Variants in ACVR2A observed in about 807,000 individuals in gnomAD.
The protein encoded by ACVR2A is activin A receptor type 2A, also known as activin receptor type-2A.
Under a neutral mutation model 61.4 loss-of-function variants are expected in ACVR2A, and 7 were observed. The ratio of observed to expected loss-of-function variants is 0.11; its 90% CI spans 0.06 to 0.21. The LOEUF is 0.21. Among genes scored for constraint, ACVR2A ranks in the 10% least tolerant of loss-of-function variants. The probability of loss-of-function intolerance (pLI) is 1.00; values close to 1 mark genes in which losing one functional copy is unlikely to be tolerated. For synonymous variants in ACVR2A, 193 were observed against 208.3 expected (o/e 0.93, Z 0.63); for missense variants, 322 against 621.7 (o/e 0.52, Z 5.13).
In ACVR2A at chr2:147,896,486, G is replaced by C; in HGVS notation, c.241G>C (p.Asp81His). The C allele has an allele frequency of 6.2e-7, 1 of 1,613,922 alleles. No homozygotes were observed. The highest frequency in any genetic ancestry group is 8.5e-7 in the Non-Finnish European group (1 of 1,179,928). ...IEIVKQGCWL[D>H]DINCYDRTDC... ...AATAGTGAAACAAGGTTGTTGGCTG[G>C]ATGATATCAACTGCTATGACAGGTA... Residue 81 changes from aspartate (D) to histidine (H), a missense_variant, in exon 2 of 11, where the codon GAT (aspartate) becomes CAT (histidine). This residue lies in a region of ACVR2A where 142 missense variants were observed against 200.3 expected (regional missense o/e 0.71). Coordinates refer to ENST00000241416, the MANE Select transcript of ACVR2A (RefSeq NM_001616.5).
At chr2:147,877,481 C>T (rs1200666753) in intron 1 of ACVR2A, 1 of 151,974 alleles carries the variant, frequency 6.6e-6, no homozygotes, top group Non-Finnish European at 1.5e-5. Context: ...ATTAGCATGG[C>T]CCCTGGTCAA....
intron 1 of ACVR2A, among the ~76,000 whole-genome samples, chr2:147,853,433 A>G (rs1472061356): frequency 1.3e-5 from 2 of 152,032 alleles, no homozygotes; most frequent in Non-Finnish European, 2.9e-5. Flanking sequence ...ATGAGACCCT[A>G]CAGTAAAATA....
chr2:147,884,008 T>A (rs1338647529), intron 1 of ACVR2A, among the ~76,000 whole-genome samples: 1 of 152,190 alleles, frequency 6.6e-6, no homozygotes, highest in Non-Finnish European at 1.5e-5. Context: ...TAGTGTCTTT[T>A]CAGTGTAATT....
intron 1 of ACVR2A, among the ~76,000 whole-genome samples, chr2:147,854,508 A>G (rs754324321): frequency 2.6e-5 from 4 of 152,180 alleles, no homozygotes; most frequent in Non-Finnish European, 5.9e-5. Flanking sequence ...TGAATGTGGT[A>G]TAATATTTTG....
At chr2:147,881,062 C>T (rs1165308979) in intron 1 of ACVR2A, among the ~76,000 whole-genome samples, 1 of 152,102 alleles carries the variant, frequency 6.6e-6, no homozygotes. Flanking sequence ...AAAACCATTT[C>T]CCCTACCCCA....
At chr2:147,926,323 G>T (rs566843337) in intron 10 of ACVR2A, among the ~76,000 whole-genome samples, 162 bp downstream of exon 10, 1 of 152,000 alleles carries the variant, frequency 6.6e-6, no homozygotes, top group Admixed American at 6.6e-5. Flanking sequence ...GGCTATGTCT[G>T]TATACCCCTG....
intron 1 of ACVR2A, among the ~76,000 whole-genome samples, chr2:147,860,304 C>T (rs886189493): frequency 6.6e-6 from 1 of 152,020 alleles, no homozygotes; most frequent in Non-Finnish European, 1.5e-5. Flanking sequence ...ACCCAAGTAG[C>T]AGGGCCACCT....
At chr2:147,856,833 A>G (rs1487168646) in intron 1 of ACVR2A, among the ~76,000 whole-genome samples, 2 of 152,156 alleles carry the variant, frequency 1.3e-5, no homozygotes, top group East Asian at 3.9e-4. Flanking sequence ...TTATATAACA[A>G]ATCTTTCTTG....
At chr2:147,909,391 T>A (rs1023741552) in intron 4 of ACVR2A, among the ~76,000 whole-genome samples, 3 of 152,182 alleles carry the variant, frequency 2.0e-5, no homozygotes, top group Non-Finnish European at 2.9e-5. Flanking sequence ...GATGAATGAA[T>A]GAATGAATGA....
chr2:147,911,935 A>T (rs2105209495), intron 4 of ACVR2A, among the ~76,000 whole-genome samples: 1 of 152,052 alleles, frequency 6.6e-6, no homozygotes, highest in African/African-American at 2.4e-5. Flanking sequence ...ACAGGGGTCG[A>T]TTTTCTAATC....
chr2:147,928,073 T>G lies in ACVR2A; in HGVS notation c.*799T>G, dbSNP rs1687548431. The G allele has an allele frequency of 2.0e-5, 3 of 152,320 alleles. No homozygotes were observed. The highest frequency in any genetic ancestry group is 7.2e-5 in the African/African-American group (3 of 41,394). 9.4% of individuals were successfully genotyped at this position (152,320 alleles called of 1,614,324 possible). Reference sequence around the variant, plus strand: ...TAATGTAGGGAAAAAAAGTGCTGTTTTTTGAAAAGATGGTGTCATTTCCCC... The same window carrying G: ...TAATGTAGGGAAAAAAAGTGCTGTTGTTTGAAAAGATGGTGTCATTTCCCC... On this transcript the variant is annotated 3_prime_UTR_variant, in exon 11 of 11. Transcript: ENST00000241416.
At position 147,930,661 on chromosome 2, in the gene ACVR2A, A is replaced by G. The variant is rs1232241706; in HGVS notation, c.*3387A>G. 1 of 152,350 alleles carries G rather than the reference A, an allele frequency of 6.6e-6. No individual in the cohort carries two copies. The highest frequency in any genetic ancestry group is 1.5e-5 in the Non-Finnish European group (1 of 67,974). The allele number at this position is 152,350 out of a possible 1,614,324, so 9.4% of individuals were successfully genotyped here. A position where few individuals can be genotyped will look rare whatever the true frequency, so the allele number is the denominator to read the frequency against. On this transcript the variant is annotated 3_prime_UTR_variant, in exon 11 of 11. Coordinates refer to ENST00000241416, the MANE Select transcript of ACVR2A (RefSeq NM_001616.5). The stretch of plus-strand genomic sequence containing the variant: ...TTGTGTTTTGGGCACAGGTTATTGT[A>G]CTACTGTCAAATCGTACTTGCTATT...
intron 9 of ACVR2A, among the ~76,000 whole-genome samples, chr2:147,925,472 C>T (rs942436427): frequency 2.6e-5 from 4 of 151,862 alleles, no homozygotes; most frequent in Non-Finnish European, 5.9e-5. Flanking sequence ...GTTGGAGAGC[C>T]TGTTTGTGAT....
chr2:147,888,396 T>A (rs1686494520), intron 1 of ACVR2A, among the ~76,000 whole-genome samples: 1 of 152,230 alleles, frequency 6.6e-6, no homozygotes, highest in African/African-American at 2.4e-5. Flanking sequence ...ATGTTCAATC[T>A]TCCAATCCAT....
chr2:147,900,101 G>T (rs963023273), intron 4 of ACVR2A, among the ~76,000 whole-genome samples: 1 of 152,074 alleles, frequency 6.6e-6, no homozygotes, highest in East Asian at 1.9e-4. Flanking sequence ...TTAGGGTTGA[G>T]GTCGAGTAGA....
chr2:147,926,427 A>AT (rs1160122276), intron 10 of ACVR2A, among the ~76,000 whole-genome samples: 2 of 152,038 alleles, frequency 1.3e-5, no homozygotes, highest in Admixed American at 1.3e-4. Context: ...TTTCCCAGGG[A>AT]AAAGGCATGC....
chr2:147,865,100 T>A (rs1274535634), intron 1 of ACVR2A, among the ~76,000 whole-genome samples: 1 of 152,186 alleles, frequency 6.6e-6, no homozygotes, highest in East Asian at 1.9e-4. Context: ...TAGTCTTAGT[T>A]CTTGGCCTTG....
intron 1 of ACVR2A, among the ~76,000 whole-genome samples, chr2:147,881,602 A>AGTGTGT (rs145075375): frequency 0.044 from 3,559 of 81,372 alleles, 93 homozygotes; most frequent in Middle Eastern, 0.067. Context: ...GAAGCTGCTT[A>AGTGTGT]GTGTGTGTGT....
At chr2:147,910,854 A>G (rs1687095165) in intron 4 of ACVR2A, among the ~76,000 whole-genome samples, 1 of 152,112 alleles carries the variant, frequency 6.6e-6, no homozygotes, top group African/African-American at 2.4e-5. Context: ...AGTAGGTTTG[A>G]TAATATTCTG....
Sources: allele counts gnomAD v4.1 joint callset (sites outside exome capture counted in the v4.1 genomes callset), GRCh38; gene constraint gnomAD v4.1.1; regional missense constraint gnomAD v4.1.1; transcripts MANE v1.5; gene names NCBI Gene and HGNC (gene_info 2026-07-23, HGNC 2026-07-21).